Variants in MSRA observed in about 807,000 individuals in gnomAD.
The protein encoded by MSRA is methionine sulfoxide reductase A, also known as mitochondrial peptide methionine sulfoxide reductase.
A neutral mutation model predicts 31.3 loss-of-function variants in MSRA; 54 were observed. The ratio of observed to expected loss-of-function variants is 1.73; its 90% CI spans 1.39 to 2.17. The LOEUF (loss-of-function observed/expected upper bound fraction) is 2.17. Among genes scored for constraint, MSRA ranks in the 30% most tolerant of loss-of-function variants. The pLI is 0.00. For missense variants in MSRA, 507 were observed against 300.9 expected (o/e 1.69, Z -5.07); for synonymous variants, 169 against 116.5 (o/e 1.45, Z -2.90).
intron 1 of MSRA, among the ~76,000 whole-genome samples, chr8:10,183,808 G>GCTGCTGC (rs1806766734): frequency 1.0e-5 from 1 of 100,168 alleles, no homozygotes; most frequent in African/African-American, 3.4e-5. Flanking sequence ...GGTGGTGGTG[G>GCTGCTGC]TGCTGCTGCT....
chr8:10,192,254 G>T (rs745677632), intron 1 of MSRA, among the ~76,000 whole-genome samples: 42 of 152,316 alleles, frequency 2.8e-4, no homozygotes, highest in Admixed American at 1.8e-3. Flanking sequence ...CAAAGGAAAG[G>T]GATTAAGCTC....
chr8:10,347,077 C>T (rs186111078), intron 5 of MSRA, among the ~76,000 whole-genome samples: 121 of 152,294 alleles, frequency 7.9e-4, no homozygotes, highest in African/African-American at 2.9e-3. Flanking sequence ...AGCACCTGCA[C>T]TTTGATCACA....
chr8:10,211,706 C>A (rs1453122591), intron 2 of MSRA, among the ~76,000 whole-genome samples: 1 of 152,126 alleles, frequency 6.6e-6, no homozygotes, highest in South Asian at 2.1e-4. Flanking sequence ...GCCGAGGCTT[C>A]CTCAGGTATG....
At chr8:10,055,173 GTCACCCCT>G (rs1802273776) in intron 1 of MSRA, among the ~76,000 whole-genome samples, 1 of 95,516 alleles carries the variant, frequency 1.0e-5, no homozygotes, top group South Asian at 3.5e-4. Context: ...TTCTGGCTGA[GTCACCCCT>G]AGTCACCCCT....
chr8:10,181,582 G>A lies in MSRA; in HGVS notation c.143-26251G>A, dbSNP rs185066387. 2.6e-5 allele frequency among the ~76,000 whole-genome samples: 4 copies of A among 152,268 alleles called. No homozygotes were observed. In the East Asian group the frequency reaches 5.8e-4, roughly 22 times the overall value. The stretch of plus-strand genomic sequence containing the variant: ...AACCACAGGAAACATGGAAGCTGGG[G>A]ATGACATGATTGTATTTACATTTAA... On this transcript the variant is annotated intron_variant, in intron 1 of 5. Transcript: ENST00000317173.
chr8:10,063,718 G>A (rs1797324079), intron 1 of MSRA, among the ~76,000 whole-genome samples: 1 of 152,212 alleles, frequency 6.6e-6, no homozygotes, highest in Non-Finnish European at 1.5e-5. Flanking sequence ...CGCTGTCCGT[G>A]AACCAGAATT....
intron 3 of MSRA, among the ~76,000 whole-genome samples, chr8:10,261,390 A>AAAAATT (rs1554509147): frequency 9.9e-4 from 21 of 21,264 alleles, no homozygotes; most frequent in African/African-American, 1.9e-3. Context: ...TCTGTTACTT[A>AAAAATT]AAAAAAAAAA....
chr8:10,297,840 C>T (rs1800625611), intron 3 of MSRA, among the ~76,000 whole-genome samples: 1 of 152,168 alleles, frequency 6.6e-6, no homozygotes, highest in Non-Finnish European at 1.5e-5. Flanking sequence ...GAAATCTTTC[C>T]TGACCCCATA....
intron 1 of MSRA, among the ~76,000 whole-genome samples, chr8:10,207,226 G>C (rs1334890829): frequency 6.6e-6 from 1 of 152,178 alleles, no homozygotes; most frequent in Admixed American, 6.5e-5. Flanking sequence ...AGGGTGACTG[G>C]TTAGGAGGAC....
chr8:10,208,363 A>G (rs1389012185), intron 2 of MSRA, among the ~76,000 whole-genome samples: 1 of 152,168 alleles, frequency 6.6e-6, no homozygotes, highest in Non-Finnish European at 1.5e-5. Flanking sequence ...ACATTAATTA[A>G]AAATGTTTTC....
At chr8:10,140,072 A>AG (rs1053677307) in intron 1 of MSRA, among the ~76,000 whole-genome samples, 5 of 152,176 alleles carry the variant, frequency 3.3e-5, no homozygotes, top group Non-Finnish European at 7.3e-5. Flanking sequence ...AAACAGGGAA[A>AG]CCTGTGTATT....
chr8:10,212,877 A>G (rs1050046384), intron 2 of MSRA, among the ~76,000 whole-genome samples: 2 of 152,138 alleles, frequency 1.3e-5, no homozygotes, highest in Non-Finnish European at 2.9e-5. Flanking sequence ...CTTTGAACCC[A>G]TCATTATTTA....
intron 1 of MSRA, among the ~76,000 whole-genome samples, chr8:10,197,634 C>A (rs1421763305): frequency 1.3e-5 from 2 of 152,142 alleles, no homozygotes; most frequent in Non-Finnish European, 2.9e-5. Context: ...TGCAGATCCC[C>A]AGGCCTTGGT....
chr8:10,295,326 C>T lies in MSRA; in HGVS notation c.332-6208C>T, dbSNP rs1432478858. On this transcript the variant is annotated intron_variant, in intron 3 of 5. Coordinates refer to ENST00000317173, the MANE Select transcript of MSRA (RefSeq NM_012331.5). Reference sequence around the variant, plus strand: ...GCTGGGGGACCGTCGCACTGCGCTGCCTCTCTCATTTCCCATTTCTTGTCC... The same window carrying T: ...GCTGGGGGACCGTCGCACTGCGCTGTCTCTCTCATTTCCCATTTCTTGTCC... Among the ~76,000 whole-genome samples, 4 of 152,080 alleles carry T rather than the reference C, an allele frequency of 2.6e-5. No individual in the cohort carries two copies. The East Asian group carries it at 7.8e-4, about 30-fold the overall frequency.
chr8:10,387,585 T>G (rs13249940), intron 5 of MSRA, among the ~76,000 whole-genome samples: 1 of 152,106 alleles, frequency 6.6e-6, no homozygotes, highest in Non-Finnish European at 1.5e-5. Context: ...GTCAGAGTTC[T>G]TCTTAGCGCT....
intron 1 of MSRA, among the ~76,000 whole-genome samples, chr8:10,132,372 A>G (rs1281723810): frequency 2.0e-5 from 3 of 152,202 alleles, no homozygotes; most frequent in Non-Finnish European, 4.4e-5. Flanking sequence ...GGGGACCCCC[A>G]TCACTAAGCC....
chr8:10,425,976 C>T (rs1809133833), intron 5 of MSRA, among the ~76,000 whole-genome samples: 1 of 152,226 alleles, frequency 6.6e-6, no homozygotes, highest in Admixed American at 6.5e-5. Flanking sequence ...CTGCCTGGAG[C>T]AGATGGCACC....
intron 3 of MSRA, among the ~76,000 whole-genome samples, chr8:10,283,098 T>G (rs989538542): frequency 2.7e-5 from 4 of 150,434 alleles, no homozygotes; most frequent in Non-Finnish European, 5.9e-5. Context: ...AGATGATAGG[T>G]GCAGACACAT....
intron 1 of MSRA, among the ~76,000 whole-genome samples, chr8:10,159,988 A>C (rs1366127024): frequency 6.6e-6 from 1 of 152,222 alleles, no homozygotes; most frequent in Non-Finnish European, 1.5e-5. Context: ...TTATAACATG[A>C]AATCTTTAAA....
Sources: gnomAD v4.1 joint callset for allele counts (sites outside exome capture counted in the v4.1 genomes callset) on GRCh38, gnomAD v4.1.1 for gene constraint, MANE v1.5 for transcripts, NCBI Gene and HGNC (gene_info 2026-07-23, HGNC 2026-07-21) for gene names.